The following GNAL variants were observed in gnomAD, a reference collection of about 807,000 sequenced individuals.
GNAL encodes G protein subunit alpha L.
In GNAL, 18 loss-of-function variants were observed where a neutral mutation model predicts 55.1. The observed-to-expected ratio is 0.33, with a 90% CI of 0.23 to 0.48. The LOEUF is 0.48. Ranked by LOEUF, GNAL falls within the 20% of genes least tolerant of loss-of-function variation. The probability of loss-of-function intolerance (pLI) is 0.99; values close to 1 mark genes in which losing one functional copy is unlikely to be tolerated. For synonymous variants in GNAL, 253 were observed against 237.0 expected, an observed-to-expected ratio of 1.07 and a Z score of -0.62; for missense variants, 412 against 614.1, an observed-to-expected ratio of 0.67 and a Z score of 3.48.
At chr18:11,799,182 C>T (rs1455234116) in intron 4 of GNAL, among the ~76,000 whole-genome samples, 2 of 151,712 alleles carry the variant, frequency 1.3e-5, no homozygotes, top group East Asian at 1.9e-4. Flanking sequence ...AACTAATGAA[C>T]CCCAGGATCC....
At chr18:11,776,890 T>A (rs1034660307) in intron 4 of GNAL, among the ~76,000 whole-genome samples, 1 of 152,056 alleles carries the variant, frequency 6.6e-6, no homozygotes, top group Non-Finnish European at 1.5e-5. Context: ...TCTCTACCCT[T>A]CGAGCTGATA....
intron 4 of GNAL, among the ~76,000 whole-genome samples, chr18:11,780,976 T>A (rs1216190039): frequency 6.6e-6 from 1 of 152,226 alleles, no homozygotes. Context: ...AGGCTACTAA[T>A]CTGTTACTCT....
chr18:11,764,844 G>A (rs2033356664), intron 4 of GNAL, among the ~76,000 whole-genome samples: 1 of 152,104 alleles, frequency 6.6e-6, no homozygotes, highest in African/African-American at 2.4e-5. Flanking sequence ...GGGGTGGGCT[G>A]GAGTCAAAAG....
chr18:11,875,850 C>A (rs932667256), intron 10 of GNAL, among the ~76,000 whole-genome samples: 2 of 152,184 alleles, frequency 1.3e-5, no homozygotes, highest in African/African-American at 2.4e-5. Flanking sequence ...GTACTGGAGG[C>A]TGAAATGTCA....
chr18:11,728,405 G>GT (rs1173505733), intron 1 of GNAL, among the ~76,000 whole-genome samples: 1 of 152,152 alleles, frequency 6.6e-6, no homozygotes, highest in Non-Finnish European at 1.5e-5. Context: ...CTCACAGCCA[G>GT]TGTCATGTAA....
Position 11,854,395 on chromosome 18 carries a change from A to G in GNAL, c.723-8000A>G, listed in dbSNP as rs1444880419. 4 of 167,128 alleles carry G rather than the reference A, an allele frequency of 2.4e-5. No individual in the cohort carries two copies. In the Admixed American group the frequency reaches 2.6e-4, roughly 11 times the overall value. 10.4% of individuals were successfully genotyped at this position (167,128 alleles called of 1,614,324 possible). On this transcript the variant is annotated intron_variant, in intron 5 of 11. Transcript: ENST00000334049. ...TACTTCCTCACTTTTGCAGTTGATT[A>G]CTGAAATGTAAATCACAAGAATTTG...
intron 4 of GNAL, among the ~76,000 whole-genome samples, chr18:11,808,755 T>C (rs1360637563): frequency 3.9e-5 from 6 of 152,242 alleles, no homozygotes; most frequent in African/African-American, 1.4e-4. Context: ...AGCCTAAATG[T>C]TCATCAAATG....
At chr18:11,754,736 A>G (rs540548460) in intron 4 of GNAL, among the ~76,000 whole-genome samples, 7 of 152,324 alleles carry the variant, frequency 4.6e-5, no homozygotes, top group Admixed American at 4.6e-4. Flanking sequence ...GATAGCATGG[A>G]TCACTTCTGA....
At chr18:11,851,973 G>A (rs769320853) in intron 5 of GNAL, 14 of 1,613,958 alleles carry the variant, frequency 8.7e-6, no homozygotes, top group African/African-American at 1.3e-5. Flanking sequence ...TGCTGCTCCA[G>A]GAAATGGCAG....
At chr18:11,821,642 A>T (rs1056011402) in intron 4 of GNAL, among the ~76,000 whole-genome samples, 1 of 152,258 alleles carries the variant, frequency 6.6e-6, no homozygotes, top group African/African-American at 2.4e-5. Flanking sequence ...CGAAGCCTGA[A>T]GGAATGAGCT....
intron 4 of GNAL, among the ~76,000 whole-genome samples, chr18:11,796,303 C>T (rs200490928): frequency 4.6e-5 from 7 of 152,056 alleles, no homozygotes; most frequent in East Asian, 3.9e-4. Flanking sequence ...CTGGGCCGGG[C>T]GCAGTGGCTC....
At chr18:11,851,577 CA>C in intron 5 of GNAL, 1 of 1,612,298 alleles carries the variant, frequency 6.2e-7, no homozygotes, top group South Asian at 1.1e-5. Flanking sequence ...GTAGGAGTGC[CA>C]AAAAATGCGA....
chr18:11,775,370 G>C (rs933089145), intron 4 of GNAL, among the ~76,000 whole-genome samples: 12 of 152,350 alleles, frequency 7.9e-5, no homozygotes, highest in African/African-American at 2.9e-4. Context: ...TAGCTTTGTA[G>C]TACTTACTCC....
At chr18:11,711,602 A>G (rs2031841289) in intron 1 of GNAL, among the ~76,000 whole-genome samples, 1 of 152,104 alleles carries the variant, frequency 6.6e-6, no homozygotes, top group Non-Finnish European at 1.5e-5. Context: ...TTCTAATTTT[A>G]TGCATACATA....
intron 1 of GNAL, among the ~76,000 whole-genome samples, chr18:11,703,117 CAAAAA>C (rs1026822801): frequency 6.6e-6 from 1 of 152,158 alleles, no homozygotes; most frequent in African/African-American, 2.4e-5. Context: ...GACTCCGTCT[CAAAAA>C]CAAAACAAAC....
intron 1 of GNAL, among the ~76,000 whole-genome samples, chr18:11,709,321 C>G (rs1255180551): frequency 9.8e-6 from 1 of 102,530 alleles, no homozygotes; most frequent in Non-Finnish European, 2.0e-5. Context: ...ACTGTTTTCT[C>G]TATTTTTGTA....
At chr18:11,861,012 C>A (rs965040594) in intron 5 of GNAL, among the ~76,000 whole-genome samples, 1 of 152,180 alleles carries the variant, frequency 6.6e-6, no homozygotes, top group Non-Finnish European at 1.5e-5. Flanking sequence ...GGTTCACAGG[C>A]GCCTGCAGAG....
intron 1 of GNAL, among the ~76,000 whole-genome samples, chr18:11,739,818 G>T (rs2032537909): frequency 6.6e-6 from 1 of 151,250 alleles, no homozygotes; most frequent in Non-Finnish European, 1.5e-5. Context: ...GACCCAATTT[G>T]GTGTCCAGTT....
intron 4 of GNAL, 151 bp from the exon 5 acceptor site, chr18:11,824,767 T>C: frequency 3.5e-6 from 2 of 571,088 alleles, no homozygotes; most frequent in Non-Finnish European, 6.2e-6. Flanking sequence ...ACACTAAACA[T>C]AGAGTCGGTG....
Sources: allele counts gnomAD v4.1 joint callset (sites outside exome capture counted in the v4.1 genomes callset), GRCh38; gene constraint gnomAD v4.1.1; transcripts MANE v1.5; gene names NCBI Gene and HGNC (gene_info 2026-07-23, HGNC 2026-07-21).